The following DOCK2 variants were observed in gnomAD, a reference collection of about 807,000 sequenced individuals.
The protein encoded by DOCK2 is dedicator of cytokinesis 2, also known as dedicator of cytokinesis protein 2.
DOCK2 carries 87 observed loss-of-function variants against 248.9 expected under a neutral mutation model. The observed-to-expected ratio is 0.35, with a 90% CI of 0.29 to 0.42. The LOEUF is 0.42. Among genes scored for constraint, DOCK2 ranks in the 10% least tolerant of loss-of-function variants. The pLI, the probability that DOCK2 is intolerant of heterozygous loss-of-function variation, is 1.00. For missense variants in DOCK2, 1,747 were observed against 2,300.2 expected (o/e 0.76, Z 4.92); for synonymous variants, 805 against 821.6 (o/e 0.98, Z 0.35).
intron 27 of DOCK2, among the ~76,000 whole-genome samples, chr5:169,963,813 C>A (rs527272312): frequency 6.6e-6 from 1 of 152,276 alleles, no homozygotes; most frequent in East Asian, 1.9e-4. Context: ...TCCTTGAGCA[C>A]CCAGCAGAGT....
At chr5:170,079,865 T>C (rs1757964648) in intron 49 of DOCK2, 1 of 292,480 alleles carries the variant, frequency 3.4e-6, no homozygotes, top group Admixed American at 4.6e-5. Flanking sequence ...AGGCTACTCT[T>C]GCGTGGATGG....
chr5:169,769,097 T>C (rs1764951750), intron 25 of DOCK2, among the ~76,000 whole-genome samples: 1 of 152,200 alleles, frequency 6.6e-6, no homozygotes, highest in Admixed American at 6.5e-5. Context: ...AGCTGCTTCT[T>C]TTTGTTTTTA....
intron 27 of DOCK2, among the ~76,000 whole-genome samples, chr5:169,887,446 C>G (rs562123607): frequency 6.6e-6 from 1 of 152,144 alleles, no homozygotes; most frequent in Non-Finnish European, 1.5e-5. Context: ...TCATTCTAGC[C>G]TTCTCCCTGT....
At chr5:170,037,792 A>G (rs2113840305) in intron 36 of DOCK2, among the ~76,000 whole-genome samples, 1 of 152,272 alleles carries the variant, frequency 6.6e-6, no homozygotes, top group Non-Finnish European at 1.5e-5. Flanking sequence ...GGCCACAACA[A>G]CAAAATTCTT....
intron 25 of DOCK2, among the ~76,000 whole-genome samples, chr5:169,778,538 A>C (rs1765512532): frequency 6.6e-6 from 1 of 152,362 alleles, no homozygotes; most frequent in African/African-American, 2.4e-5. Context: ...CTTTGGGGGC[A>C]GCTCCTGCTA....
chr5:169,819,585 C>T (rs1207549459), intron 26 of DOCK2, among the ~76,000 whole-genome samples: 2 of 152,190 alleles, frequency 1.3e-5, no homozygotes, highest in African/African-American at 4.8e-5. Flanking sequence ...CACACCACTG[C>T]ACTCCAGCCT....
intron 44 of DOCK2, among the ~76,000 whole-genome samples, chr5:170,063,829 A>G (rs1472558787): frequency 6.6e-6 from 1 of 152,196 alleles, no homozygotes; most frequent in Admixed American, 6.5e-5. Context: ...CCCCAGAAGC[A>G]GAGGGTGCGG....
At chr5:169,715,493 C>T (rs1345049927) in intron 19 of DOCK2, among the ~76,000 whole-genome samples, 1 of 152,150 alleles carries the variant, frequency 6.6e-6, no homozygotes, top group Non-Finnish European at 1.5e-5. Flanking sequence ...GGCAGAGTAA[C>T]TCCCCAAGAC....
chr5:169,777,758 C>T (rs1765464330), intron 25 of DOCK2, among the ~76,000 whole-genome samples: 1 of 152,188 alleles, frequency 6.6e-6, no homozygotes, highest in African/African-American at 2.4e-5. Context: ...CGGTGAGAGG[C>T]ATAGAGAGGC....
At chr5:169,761,912 C>T (rs1764509129) in intron 25 of DOCK2, among the ~76,000 whole-genome samples, 1 of 151,932 alleles carries the variant, frequency 6.6e-6, no homozygotes, top group Non-Finnish European at 1.5e-5. Context: ...GTCTTTAACT[C>T]AAAGGGAAAT....
At chr5:169,700,160 C>G in intron 13 of DOCK2, 21 bp downstream of exon 13, 1 of 1,611,446 alleles carries the variant, frequency 6.2e-7, no homozygotes, top group Non-Finnish European at 8.5e-7. Flanking sequence ...GCTGCTCTGA[C>G]CTTCCCCTGG....
intron 29 of DOCK2, 36 bp downstream of exon 29, chr5:169,985,958 C>T (rs780689953): frequency 6.4e-7 from 1 of 1,557,946 alleles, no homozygotes; most frequent in East Asian, 2.3e-5. Flanking sequence ...GCTACCTTAC[C>T]CAGCCCTCAC....
chr5:169,955,965 G>A (rs1473248074), intron 27 of DOCK2, among the ~76,000 whole-genome samples: 1 of 151,834 alleles, frequency 6.6e-6, no homozygotes, highest in African/African-American at 2.4e-5. Flanking sequence ...GGTCATGAGA[G>A]TCCTAAAAAG....
rs62386603 is a variant in DOCK2 at position 169,994,561 on chromosome 5, G to A, written c.2994-1525G>A. Reference sequence around the variant, plus strand: ...TGGTCTCAGTCACTTAAGGCTGGTGGGATGGTGGAAAACTAAATGAAGAAG... The same window carrying A: ...TGGTCTCAGTCACTTAAGGCTGGTGAGATGGTGGAAAACTAAATGAAGAAG... On this transcript the variant is annotated intron_variant, in intron 29 of 51. Transcript: ENST00000520908. Among the ~76,000 whole-genome samples, 657 of 152,228 alleles carry A rather than the reference G, an allele frequency of 4.3e-3. 2 individuals are homozygous for A. The highest frequency in any genetic ancestry group is 7.3e-3 in the Admixed American group (111 of 15,304).
chr5:169,736,929 A>C (rs1046652824), intron 22 of DOCK2, among the ~76,000 whole-genome samples: 1 of 152,230 alleles, frequency 6.6e-6, no homozygotes, highest in African/African-American at 2.4e-5. Flanking sequence ...GTAGGCCACT[A>C]TGCTAGGTAC....
chr5:170,034,402 G>A lies in DOCK2; in HGVS notation c.3471G>A (p.Leu1157=), dbSNP rs757839060. 1.2e-6 allele frequency: 2 copies of A among 1,614,014 alleles called. No individual in the cohort carries two copies. The highest frequency in any genetic ancestry group is 2.2e-5 in the South Asian group (2 of 91,074). Residue 1157 remains leucine, a synonymous_variant, in exon 35 of 52, where the codon CTG becomes CTA. Transcript: ENST00000520908. ...EQYMQLLESI[L]MECAAEHPTI... The stretch of plus-strand genomic sequence containing the variant: ...TGCCCTCTGGTCTCTGCCGCAGCCT[G>A]ATGGAATGTGCTGCAGAGCACCCAA...
At chr5:170,080,085 C>T in intron 49 of DOCK2, 78 bp from the exon 50 acceptor site, 2 of 1,588,506 alleles carry the variant, frequency 1.3e-6, no homozygotes, top group Non-Finnish European at 1.7e-6. Context: ...CCTCACTGAT[C>T]TTTCAGAGAC....
chr5:169,947,626 C>T (rs1162295191), intron 27 of DOCK2, among the ~76,000 whole-genome samples: 1 of 152,214 alleles, frequency 6.6e-6, no homozygotes, highest in East Asian at 1.9e-4. Context: ...TCTTATTCCT[C>T]TCCCTCCAAA....
At chr5:169,802,555 A>G (rs556018180) in intron 25 of DOCK2, among the ~76,000 whole-genome samples, 2 of 152,360 alleles carry the variant, frequency 1.3e-5, no homozygotes, top group East Asian at 3.8e-4. Context: ...GATAATACAG[A>G]AAGTGCTCCA....
Sources: gnomAD v4.1 joint callset for allele counts (sites outside exome capture counted in the v4.1 genomes callset) on GRCh38, gnomAD v4.1.1 for gene constraint, MANE v1.5 for transcripts, NCBI Gene and HGNC (gene_info 2026-07-23, HGNC 2026-07-21) for gene names.